Variants in RCAN3 observed in about 807,000 individuals in gnomAD.
The protein encoded by RCAN3 is calcipressin-3.
A neutral mutation model predicts 21.9 loss-of-function variants in RCAN3; 19 were observed. The ratio of observed to expected loss-of-function variants is 0.87; its 90% CI spans 0.61 to 1.27. The LOEUF (loss-of-function observed/expected upper bound fraction) is 1.27. Among genes scored for constraint, RCAN3 ranks in the 50% most tolerant of loss-of-function variants. RCAN3 has a pLI of 0.00. For synonymous variants in RCAN3, 114 were observed against 112.3 expected (o/e 1.01, Z -0.09); for missense variants, 240 against 300.1 (o/e 0.80, Z 1.48).
intron 1 of RCAN3, among the ~76,000 whole-genome samples, chr1:24,503,441 AGT>A (rs1647231053): frequency 1.3e-5 from 2 of 152,056 alleles, no homozygotes; most frequent in African/African-American, 4.8e-5. Flanking sequence ...TCTCCCACCA[AGT>A]GTGTTTGACC....
intron 1 of RCAN3, among the ~76,000 whole-genome samples, chr1:24,513,357 G>A (rs961214485): frequency 5.3e-5 from 8 of 152,074 alleles, no homozygotes; most frequent in African/African-American, 1.9e-4. Context: ...TTTGATCACT[G>A]CCTCAGCCTC....
chr1:24,505,445 A>G (rs1052551328), intron 1 of RCAN3, among the ~76,000 whole-genome samples: 1 of 150,018 alleles, frequency 6.7e-6, no homozygotes, highest in Non-Finnish European at 1.5e-5. Context: ...CTGGTCTCGA[A>G]CTCTGGAGCT....
At chr1:24,523,601 AATACACAC>A (rs1459115813) in intron 2 of RCAN3, among the ~76,000 whole-genome samples, 1 of 118,508 alleles carries the variant, frequency 8.4e-6, no homozygotes, top group African/African-American at 3.9e-5. Context: ...TATTATTTCT[AATACACAC>A]ACACACACAC....
intron 2 of RCAN3, among the ~76,000 whole-genome samples, chr1:24,521,449 T>C (rs1648800540): frequency 6.6e-6 from 1 of 152,122 alleles, no homozygotes; most frequent in African/African-American, 2.4e-5. Flanking sequence ...GAATTAAAAC[T>C]ATAAAACTCT....
At chr1:24,528,260 AAAAAAAAG>A (rs1162595280) in intron 2 of RCAN3, among the ~76,000 whole-genome samples, 114 of 150,212 alleles carry the variant, frequency 7.6e-4, no homozygotes, top group African/African-American at 2.0e-3. Context: ...AAAAGAAAAA[AAAAAAAAG>A]AAAAAAAGAA....
intron 2 of RCAN3, among the ~76,000 whole-genome samples, chr1:24,530,144 A>G (rs1445142811): frequency 2.0e-5 from 3 of 151,794 alleles, no homozygotes; most frequent in East Asian, 1.9e-4. Flanking sequence ...CTTGAGCCCA[A>G]GGAGTTTGAG....
intron 2 of RCAN3, among the ~76,000 whole-genome samples, chr1:24,526,793 T>A (rs1649310200): frequency 6.6e-6 from 1 of 152,236 alleles, no homozygotes; most frequent in South Asian, 2.1e-4. Context: ...TTAAAATACA[T>A]TTAAAATAAG....
rs1421938411 is a variant in RCAN3, at chr1:24,525,577, G to A, written c.196-5641G>A. On this transcript the variant is annotated intron_variant, in intron 2 of 4. Transcript: ENST00000374395. The surrounding 1 kb of genome is among the most constrained non-coding windows in gnomAD (Gnocchi z 4.1). ...ATTATCTTTTCTCAAATAAATATGC[G>A]GCCATCACCCAACAGGATGATGTTA... Among the ~76,000 whole-genome samples the A allele has an allele frequency of 6.6e-6, 1 of 152,050 alleles. No individual in the cohort carries two copies. The highest frequency in any genetic ancestry group is 2.4e-5 in the African/African-American group (1 of 41,390).
chr1:24,518,161 T>G (rs928189923), intron 2 of RCAN3, among the ~76,000 whole-genome samples: 1 of 151,766 alleles, frequency 6.6e-6, no homozygotes, highest in Non-Finnish European at 1.5e-5. Context: ...CCCATCTCTA[T>G]AAAAAAATTT....
chr1:24,524,944 A>C (rs1428933269), intron 2 of RCAN3, among the ~76,000 whole-genome samples: 2 of 150,014 alleles, frequency 1.3e-5, no homozygotes, highest in Non-Finnish European at 3.0e-5. Context: ...ATTCTCGTGC[A>C]TCAGTCTCCC....
intron 3 of RCAN3, among the ~76,000 whole-genome samples, chr1:24,532,686 C>T (rs1469956309): frequency 6.6e-6 from 1 of 151,514 alleles, no homozygotes; most frequent in Non-Finnish European, 1.5e-5. Context: ...CGGTGGCTCA[C>T]ACCTGTAATC....
chr1:24,505,478 C>A (rs1333164800), intron 1 of RCAN3, among the ~76,000 whole-genome samples: 1 of 152,006 alleles, frequency 6.6e-6, no homozygotes, highest in African/African-American at 2.4e-5. Context: ...CTGCCTCCGC[C>A]TCCCAAAGTG....
At chr1:24,509,519 C>A (rs1045009957) in intron 1 of RCAN3, among the ~76,000 whole-genome samples, 2 of 152,226 alleles carry the variant, frequency 1.3e-5, no homozygotes, top group African/African-American at 4.8e-5. Flanking sequence ...ACCCTCTTTG[C>A]TCATTCACAG....
intron 1 of RCAN3, among the ~76,000 whole-genome samples, chr1:24,512,012 G>A (rs1405864206): frequency 6.6e-6 from 1 of 152,096 alleles, no homozygotes; most frequent in Non-Finnish European, 1.5e-5. Flanking sequence ...CATGAGGGGA[G>A]GGTAGAATCC....
intron 1 of RCAN3, among the ~76,000 whole-genome samples, chr1:24,507,168 C>G (rs541903914): frequency 2.6e-5 from 4 of 152,180 alleles, no homozygotes; most frequent in Non-Finnish European, 4.4e-5. Context: ...CCATACCTGC[C>G]TTTCCGACTG....
chr1:24,513,572 G>T (rs1398339041), intron 1 of RCAN3, among the ~76,000 whole-genome samples: 1 of 151,956 alleles, frequency 6.6e-6, no homozygotes, highest in Non-Finnish European at 1.5e-5. Context: ...CATGAAAATC[G>T]CTTGAACCCG....
intron 2 of RCAN3, among the ~76,000 whole-genome samples, chr1:24,526,181 T>C (rs1259741121): frequency 2.0e-5 from 3 of 152,134 alleles, no homozygotes; most frequent in Non-Finnish European, 2.9e-5. Flanking sequence ...GGCCTCGAAC[T>C]CCTGGGTTCA....
At chr1:24,517,665 G>A (rs915421281) in intron 2 of RCAN3, among the ~76,000 whole-genome samples, 2 of 151,968 alleles carry the variant, frequency 1.3e-5, no homozygotes, top group African/African-American at 4.8e-5. Context: ...TTATATTATG[G>A]TTATCTATAG....
At chr1:24,515,870 C>T (rs376136252) in intron 2 of RCAN3, among the ~76,000 whole-genome samples, 6 of 152,058 alleles carry the variant, frequency 3.9e-5, no homozygotes, top group African/African-American at 9.7e-5. Flanking sequence ...AGTGGCCGGG[C>T]GTGGTGGCTC....
Sources: allele counts gnomAD v4.1 joint callset (sites outside exome capture counted in the v4.1 genomes callset), GRCh38; gene constraint gnomAD v4.1.1; non-coding constraint Gnocchi (gnomAD v3.1); transcripts MANE v1.5; gene names NCBI Gene and HGNC (gene_info 2026-07-23, HGNC 2026-07-21).